UBE2E2: variants seen among roughly 807,000 people sequenced by gnomAD.
UBE2E2 encodes ubiquitin-conjugating enzyme E2 E2.
In UBE2E2, 6 loss-of-function variants were observed where a neutral mutation model predicts 24.7. The observed-to-expected ratio is 0.24, with a 90% CI of 0.13 to 0.48. UBE2E2 has a LOEUF of 0.48. Among genes scored for constraint, UBE2E2 ranks in the 20% least tolerant of loss-of-function variants. The pLI is 0.99. For missense variants in UBE2E2, 169 were observed against 245.0 expected (o/e 0.69, Z 2.07); for synonymous variants, 104 against 83.6 (o/e 1.24, Z -1.33).
chr3:23,526,374 T>G (rs1272799836), intron 4 of UBE2E2, among the ~76,000 whole-genome samples: 2 of 152,194 alleles, frequency 1.3e-5, no homozygotes, highest in Non-Finnish European at 2.9e-5. Flanking sequence ...GCTTTTACTC[T>G]TAAGTTATGG....
At chr3:23,565,874 C>T (rs1404620158) in intron 5 of UBE2E2, among the ~76,000 whole-genome samples, 5 of 152,104 alleles carry the variant, frequency 3.3e-5, no homozygotes, top group Non-Finnish European at 1.5e-5. Flanking sequence ...TTAAGAACCT[C>T]CGTCATGAGA....
chr3:23,449,823 G>A (rs1381367607), intron 3 of UBE2E2: 2 of 975,390 alleles, frequency 2.1e-6, no homozygotes, highest in African/African-American at 3.5e-5. Context: ...TTTTAAAGCT[G>A]GCTAACAATG....
chr3:23,587,707 A>T lies in UBE2E2; in HGVS notation c.509-2027A>T, dbSNP rs188249035. 5.3e-3 allele frequency among the ~76,000 whole-genome samples: 814 copies of T among 152,352 alleles called. 8 individuals are homozygous for T. Among genetic ancestry groups the T allele is most frequent in the Non-Finnish European group, 6.2e-3 (420 of 68,032 alleles). On this transcript the variant is annotated intron_variant, in intron 5 of 5. Coordinates refer to ENST00000396703, the MANE Select transcript of UBE2E2 (RefSeq NM_152653.4). ...AGCTCAAGTGAAAGGCTACATTTTTAAAAAAGTATCCTGGCCAATTGCCAG... is the reference window on the plus strand; with the variant it reads ...AGCTCAAGTGAAAGGCTACATTTTTTAAAAAGTATCCTGGCCAATTGCCAG...
chr3:23,204,823 G>A (rs1696102294), intron 1 of UBE2E2: 3 of 883,452 alleles, frequency 3.4e-6, no homozygotes, highest in South Asian at 5.2e-5. Context: ...AGAAACATGA[G>A]TAGGAAGACA....
intron 5 of UBE2E2, among the ~76,000 whole-genome samples, chr3:23,567,219 T>C (rs1230030602): frequency 1.3e-5 from 2 of 152,196 alleles, no homozygotes; most frequent in East Asian, 1.9e-4. Context: ...TTGGTCATGA[T>C]TTTTTATCCA....
At chr3:23,512,940 GCATACATACATA>G (rs981282650) in intron 4 of UBE2E2, among the ~76,000 whole-genome samples, 2 of 126,262 alleles carry the variant, frequency 1.6e-5, no homozygotes, top group South Asian at 5.3e-4. Flanking sequence ...ATACATACAT[GCATACATACATA>G]CATAAAAACT....
chr3:23,352,265 C>A (rs1353833478), intron 3 of UBE2E2, among the ~76,000 whole-genome samples: 1 of 151,564 alleles, frequency 6.6e-6, no homozygotes, highest in African/African-American at 2.4e-5. Context: ...GCACTAAATG[C>A]CCACAAGAGA....
chr3:23,442,833 T>TC lies in UBE2E2; in HGVS notation c.228-56771dup, dbSNP rs1321119370. On this transcript the variant is annotated intron_variant, in intron 3 of 5. Coordinates refer to ENST00000396703, the MANE Select transcript of UBE2E2 (RefSeq NM_152653.4). The stretch of plus-strand genomic sequence containing the variant: ...CTTTCCTGTAGCTCTGCCTGGGGTT[T>TC]CCCCTCAGAGGAATGTGGTTTGAAA... Among the ~76,000 whole-genome samples, 3 of 152,184 alleles carry TC rather than the reference T, an allele frequency of 2.0e-5. No individual in the cohort carries two copies. The East Asian group carries it at 5.8e-4, about 29-fold the overall frequency.
intron 1 of UBE2E2, among the ~76,000 whole-genome samples, chr3:23,207,797 T>G (rs1462911535): frequency 6.6e-6 from 1 of 152,172 alleles, no homozygotes; most frequent in East Asian, 1.9e-4. Flanking sequence ...CTTAATCATT[T>G]TTGTCTTATT....
chr3:23,561,529 G>C (rs1695928904), intron 5 of UBE2E2, among the ~76,000 whole-genome samples: 2 of 151,952 alleles, frequency 1.3e-5, no homozygotes, highest in South Asian at 4.2e-4. Context: ...TTGTTCTTTT[G>C]GCTTAGGATT....
At chr3:23,415,648 G>A (rs1697605884) in intron 3 of UBE2E2, among the ~76,000 whole-genome samples, 1 of 152,080 alleles carries the variant, frequency 6.6e-6, no homozygotes. Flanking sequence ...TAAAAATTTA[G>A]CCAATTCTAG....
intron 3 of UBE2E2, among the ~76,000 whole-genome samples, chr3:23,340,847 T>G (rs1695363549): frequency 6.6e-6 from 1 of 152,120 alleles, no homozygotes. Flanking sequence ...ATATAAACCA[T>G]TTCTTTGCCT....
chr3:23,355,206 A>G (rs1227570246), intron 3 of UBE2E2, among the ~76,000 whole-genome samples: 12 of 138,722 alleles, frequency 8.7e-5, no homozygotes, highest in African/African-American at 3.2e-4. Flanking sequence ...AGGAAGGGGA[A>G]CCTCACACTC....
chr3:23,270,500 C>T (rs773943564), intron 3 of UBE2E2, among the ~76,000 whole-genome samples: 1 of 152,018 alleles, frequency 6.6e-6, no homozygotes, highest in Non-Finnish European at 1.5e-5. Context: ...ACAGATAAAC[C>T]CTGGGGCCCT....
chr3:23,356,898 T>C (rs1695970252), intron 3 of UBE2E2, among the ~76,000 whole-genome samples: 5 of 152,222 alleles, frequency 3.3e-5, no homozygotes, highest in Admixed American at 3.3e-4. Flanking sequence ...GGACCGCTGA[T>C]TTAACCCATC....
intron 3 of UBE2E2, among the ~76,000 whole-genome samples, chr3:23,487,260 C>T (rs2125446577): frequency 6.6e-6 from 1 of 152,230 alleles, no homozygotes; most frequent in South Asian, 2.1e-4. Context: ...GGGAAGAGGC[C>T]AGGGAGTAGG....
intron 3 of UBE2E2, among the ~76,000 whole-genome samples, chr3:23,478,138 T>G (rs544904889): frequency 6.6e-6 from 1 of 152,374 alleles, no homozygotes; most frequent in Admixed American, 6.5e-5. Flanking sequence ...ATGTTACAAG[T>G]GTCAGTTCTT....
intron 3 of UBE2E2, among the ~76,000 whole-genome samples, chr3:23,342,455 C>G (rs551683391): frequency 6.6e-6 from 1 of 152,170 alleles, no homozygotes; most frequent in East Asian, 1.9e-4. Flanking sequence ...CTCTTCCTTC[C>G]GCAGATAAAA....
At chr3:23,447,000 A>G (rs1423422692) in intron 3 of UBE2E2, among the ~76,000 whole-genome samples, 2 of 152,138 alleles carry the variant, frequency 1.3e-5, no homozygotes, top group African/African-American at 4.8e-5. Context: ...CAGTCCTTAC[A>G]TGCTGTTTCC....
Sources: allele counts gnomAD v4.1 joint callset (sites outside exome capture counted in the v4.1 genomes callset), GRCh38; gene constraint gnomAD v4.1.1; transcripts MANE v1.5; gene names NCBI Gene and HGNC (gene_info 2026-07-23, HGNC 2026-07-21).